AK5: variants seen among roughly 807,000 people sequenced by gnomAD.
AK5 encodes the protein adenylate kinase isoenzyme 5.
In AK5, 27 loss-of-function variants were observed where a neutral mutation model predicts 69.5. The ratio of observed to expected loss-of-function variants is 0.39; its 90% CI spans 0.29 to 0.54. The LOEUF is 0.54. AK5 is among the 20% of genes least tolerant of loss of function. The pLI is 0.71. For synonymous variants in AK5, 260 were observed against 244.4 expected (o/e 1.06, Z -0.60); for missense variants, 531 against 700.4 (o/e 0.76, Z 2.73).
chr1:77,300,117 G>A (rs1659249523), intron 5 of AK5, among the ~76,000 whole-genome samples: 1 of 152,092 alleles, frequency 6.6e-6, no homozygotes, highest in African/African-American at 2.4e-5. Context: ...CATGTGACTT[G>A]CAGTAGGTGG....
intron 5 of AK5, among the ~76,000 whole-genome samples, chr1:77,306,788 G>T (rs1659667945): frequency 6.6e-6 from 1 of 151,934 alleles, no homozygotes; most frequent in African/African-American, 2.4e-5. Flanking sequence ...ACTTGTTACT[G>T]GTCTGTTCAG....
chr1:77,466,979 G>C (rs78544963), intron 8 of AK5, among the ~76,000 whole-genome samples: 2,037 of 152,270 alleles, frequency 0.013, 64 homozygotes, highest in East Asian at 0.11. Context: ...TATTTTCCAT[G>C]TATAAAGCAA....
Position 77,286,943 on chromosome 1 carries a change from C to G in AK5, c.63C>G (p.Ser21Arg). 7.1e-7 allele frequency: 1 copy of G among 1,418,174 alleles called. No homozygotes were observed. The highest frequency in any genetic ancestry group is 9.3e-7 in the Non-Finnish European group (1 of 1,080,322). 87.8% of individuals were successfully genotyped at this position (1,418,174 alleles called of 1,614,324 possible). The change falls in exon 2 of 14, where the codon AGC (serine) becomes AGG (arginine). Residue 21 changes from serine to arginine, a missense_variant and splice_region_variant. Coordinates refer to ENST00000354567, the MANE Select transcript of AK5 (RefSeq NM_174858.3). ...ARREIPQLFE[S>R]LLNGLMCSKP... is the part of the protein sequence containing the mutation. ...GTACATATTTTGTTATATTTCAGAG[C>G]CTTTTGAATGGACTGATGTGTTCTA...
chr1:77,504,363 A>G (rs1010715212), intron 10 of AK5, among the ~76,000 whole-genome samples: 2 of 152,072 alleles, frequency 1.3e-5, no homozygotes, highest in African/African-American at 2.4e-5. Context: ...CAAAATCACA[A>G]ACAGCCCAAT....
chr1:77,514,696 C>T (rs1408387944), intron 10 of AK5, among the ~76,000 whole-genome samples: 1 of 152,220 alleles, frequency 6.6e-6, no homozygotes, highest in Admixed American at 6.5e-5. Flanking sequence ...GTTCAACACA[C>T]AGCTGTTGTT....
chr1:77,413,083 C>T lies in AK5; in HGVS notation c.982+2012C>T, dbSNP rs540870235. On this transcript the variant is annotated intron_variant, in intron 7 of 13. Transcript: ENST00000354567. ...CAAAACCTTCAATGACTCCTGCAGGCTGGCCACGAGTACCCTTAGCACAGA... is the reference window on the plus strand; with the variant it reads ...CAAAACCTTCAATGACTCCTGCAGGTTGGCCACGAGTACCCTTAGCACAGA... 3.9e-5 allele frequency among the ~76,000 whole-genome samples: 6 copies of T among 152,208 alleles called. No individual in the cohort carries two copies. The South Asian group carries it at 1.2e-3, about 32-fold the overall frequency.
At chr1:77,525,763 A>T (rs1043207216) in intron 12 of AK5, among the ~76,000 whole-genome samples, 1 of 152,190 alleles carries the variant, frequency 6.6e-6, no homozygotes, top group African/African-American at 2.4e-5. Context: ...TTGACCATAT[A>T]TATGTGAGAG....
chr1:77,495,393 A>T (rs897880664), intron 10 of AK5, among the ~76,000 whole-genome samples: 1 of 152,232 alleles, frequency 6.6e-6, no homozygotes, highest in Admixed American at 6.5e-5. Flanking sequence ...CTTTGCGCCT[A>T]TGTATCTAGC....
intron 6 of AK5, among the ~76,000 whole-genome samples, chr1:77,351,601 C>T (rs1362803650): frequency 6.6e-6 from 1 of 152,034 alleles, no homozygotes; most frequent in Non-Finnish European, 1.5e-5. Flanking sequence ...ACCTTCCACA[C>T]AGAAAAAAGG....
intron 8 of AK5, 61 bp downstream of exon 8, chr1:77,417,776 GT>G: frequency 9.5e-7 from 1 of 1,054,724 alleles, no homozygotes; most frequent in East Asian, 2.5e-5. Flanking sequence ...CTTTGTAAAT[GT>G]TTTATGAAAA....
intron 12 of AK5, among the ~76,000 whole-genome samples, chr1:77,525,964 T>C (rs1658256595): frequency 6.6e-6 from 1 of 152,194 alleles, no homozygotes; most frequent in African/African-American, 2.4e-5. Flanking sequence ...TTTAAAATGA[T>C]GTTTCTATTC....
chr1:77,350,861 A>G (rs1202025262), intron 6 of AK5, among the ~76,000 whole-genome samples: 1 of 152,252 alleles, frequency 6.6e-6, no homozygotes, highest in East Asian at 1.9e-4. Context: ...AAGTGACATT[A>G]AAATCCAAGC....
intron 8 of AK5, among the ~76,000 whole-genome samples, chr1:77,430,695 A>G (rs1382702448): frequency 6.6e-6 from 1 of 152,240 alleles, no homozygotes; most frequent in East Asian, 1.9e-4. Flanking sequence ...ACGTAGAAGA[A>G]GCCATTAGAG....
intron 5 of AK5, among the ~76,000 whole-genome samples, chr1:77,329,569 G>A (rs942164606): frequency 6.6e-6 from 1 of 152,156 alleles, no homozygotes; most frequent in Non-Finnish European, 1.5e-5. Flanking sequence ...ATATGAATTT[G>A]CATTTCTAAC....
chr1:77,309,026 A>T (rs950463950), intron 5 of AK5, among the ~76,000 whole-genome samples: 1 of 151,056 alleles, frequency 6.6e-6, no homozygotes, highest in Admixed American at 6.6e-5. Context: ...GAGCAGAACA[A>T]TGAGAACACA....
intron 8 of AK5, among the ~76,000 whole-genome samples, chr1:77,482,770 C>CAAAA (rs11350511): frequency 3.0e-5 from 4 of 133,546 alleles, no homozygotes; most frequent in East Asian, 2.1e-4. Context: ...GACTATGTCT[C>CAAAA]AAAAAAAAAA....
intron 6 of AK5, among the ~76,000 whole-genome samples, chr1:77,408,273 C>A (rs1420702726): frequency 1.3e-5 from 2 of 152,198 alleles, no homozygotes; most frequent in Non-Finnish European, 1.5e-5. Context: ...ATTTCCTTTT[C>A]TCTGCAGCCT....
At chr1:77,478,732 A>G (rs1440669890) in intron 8 of AK5, among the ~76,000 whole-genome samples, 1 of 152,180 alleles carries the variant, frequency 6.6e-6, no homozygotes, top group African/African-American at 2.4e-5. Context: ...TGGTGAACCC[A>G]TCTGTGAGAC....
intron 13 of AK5, among the ~76,000 whole-genome samples, chr1:77,538,744 C>T (rs1389979488): frequency 6.6e-6 from 1 of 152,028 alleles, no homozygotes; most frequent in African/African-American, 2.4e-5. Flanking sequence ...AGGATTTAAC[C>T]ACTTTTAGAG....
Sources: allele counts gnomAD v4.1 joint callset (sites outside exome capture counted in the v4.1 genomes callset), GRCh38; gene constraint gnomAD v4.1.1; transcripts MANE v1.5; gene names NCBI Gene and HGNC (gene_info 2026-07-23, HGNC 2026-07-21).